Variants in NRXN3 observed in about 807,000 individuals in gnomAD.
NRXN3 encodes neurexin 3.
Under a neutral mutation model 137.6 loss-of-function variants are expected in NRXN3, and 32 were observed. The observed-to-expected ratio is 0.23, with a 90% CI of 0.18 to 0.31. NRXN3 has a LOEUF of 0.31. Ranked by LOEUF, NRXN3 falls within the 10% of genes least tolerant of loss-of-function variation. NRXN3 has a pLI of 1.00. For synonymous variants in NRXN3, 798 were observed against 784.5 expected (o/e 1.02, Z -0.29); for missense variants, 1,574 against 2,062.5 (o/e 0.76, Z 4.59).
chr14:79,423,659 C>T (rs1274772039), intron 15 of NRXN3, among the ~76,000 whole-genome samples: 1 of 152,150 alleles, frequency 6.6e-6, no homozygotes, highest in African/African-American at 2.4e-5. Flanking sequence ...AGGGTGAAAG[C>T]GTCGGTTGCT....
chr14:79,068,518 T>C (rs1464499369), intron 15 of NRXN3, among the ~76,000 whole-genome samples: 1 of 152,158 alleles, frequency 6.6e-6, no homozygotes, highest in African/African-American at 2.4e-5. Context: ...GCTGCCTTGC[T>C]GTTTTGGGGA....
chr14:79,368,051 C>T (rs1019547072), intron 15 of NRXN3, among the ~76,000 whole-genome samples: 5 of 152,188 alleles, frequency 3.3e-5, no homozygotes, highest in Non-Finnish European at 5.9e-5. Context: ...GTGATCATTT[C>T]ATCACTTGGA....
intron 6 of NRXN3, among the ~76,000 whole-genome samples, chr14:78,687,079 T>G (rs2098131918): frequency 6.6e-6 from 1 of 152,146 alleles, no homozygotes; most frequent in African/African-American, 2.4e-5. Flanking sequence ...TGGGATTTGC[T>G]TGACAAAAAG....
chr14:78,851,100 G>T (rs1265532929), intron 10 of NRXN3, among the ~76,000 whole-genome samples: 1 of 152,050 alleles, frequency 6.6e-6, no homozygotes, highest in Non-Finnish European at 1.5e-5. Flanking sequence ...GAAATTCTTT[G>T]GTAATTGTTG....
chr14:79,470,523 C>G (rs554466181), intron 16 of NRXN3, among the ~76,000 whole-genome samples: 1 of 152,116 alleles, frequency 6.6e-6, no homozygotes, highest in Non-Finnish European at 1.5e-5. Context: ...ATGACCTAAG[C>G]GCTTTCCAAA....
chr14:78,359,829 T>A (rs545820905), intron 4 of NRXN3, among the ~76,000 whole-genome samples: 68 of 152,236 alleles, frequency 4.5e-4, no homozygotes, highest in Admixed American at 1.6e-3. Context: ...TAGGCGGGTC[T>A]CTCTTTCCGT....
chr14:79,167,984 A>G (rs2061434028), intron 15 of NRXN3, among the ~76,000 whole-genome samples: 1 of 149,180 alleles, frequency 6.7e-6, no homozygotes, highest in African/African-American at 2.5e-5. Context: ...CAGAGAAAAG[A>G]GATGGAGAAA....
chr14:78,596,525 T>C (rs764587991), intron 4 of NRXN3, among the ~76,000 whole-genome samples: 6 of 152,242 alleles, frequency 3.9e-5, no homozygotes, highest in Non-Finnish European at 8.8e-5. Context: ...AAAAGTACTA[T>C]ATACGTGTGT....
chr14:79,697,555 G>A, intron 18 of NRXN3, 75 bp from the exon 19 acceptor site: 1 of 1,493,952 alleles, frequency 6.7e-7, no homozygotes, highest in Middle Eastern at 2.5e-4. Context: ...TATGATGCCT[G>A]GTCCATTCAG....
chr14:78,454,315 T>G (rs2094628030), intron 4 of NRXN3, among the ~76,000 whole-genome samples: 1 of 151,874 alleles, frequency 6.6e-6, no homozygotes, highest in Non-Finnish European at 1.5e-5. Context: ...AAAAAACCTA[T>G]GTCCAAGCCC....
intron 13 of NRXN3, among the ~76,000 whole-genome samples, 200 bp from the exon 14 acceptor site, chr14:78,967,973 A>G (rs1424842121): frequency 1.3e-5 from 2 of 151,858 alleles, no homozygotes; most frequent in African/African-American, 4.8e-5. Context: ...TATATATAAA[A>G]TGAATGACAC....
chr14:79,560,504 C>CTTTTTTTTTTTTTT lies in NRXN3; in HGVS notation c.3444+93113_3444+93126dup, dbSNP rs34025659. Among the ~76,000 whole-genome samples the CTTTTTTTTTTTTTT allele has an allele frequency of 7.7e-3, 339 of 43,760 alleles. 96 individuals carry two copies. Among genetic ancestry groups the CTTTTTTTTTTTTTT allele is most frequent in the East Asian group, 0.037 (35 of 948 alleles). The allele number at this position is 43,760 out of a possible 152,430, so 28.7% of individuals were successfully genotyped here. A position where few individuals can be genotyped will look rare whatever the true frequency, so the allele number is the denominator to read the frequency against. ...AATTCTACAAGGACAAGATTGTAAG[C>CTTTTTTTTTTTTTT]TTTTTTTTTTTTTTTTTTTTTTTTG... On this transcript the variant is annotated intron_variant, in intron 16 of 20. Transcript: ENST00000335750.
chr14:78,816,429 T>C (rs2098933393), intron 10 of NRXN3, among the ~76,000 whole-genome samples: 1 of 152,128 alleles, frequency 6.6e-6, no homozygotes, highest in African/African-American at 2.4e-5. Flanking sequence ...AACAAGCTTT[T>C]CCACATCTTA....
intron 6 of NRXN3, among the ~76,000 whole-genome samples, chr14:78,689,914 C>T (rs1049528476): frequency 6.6e-6 from 1 of 151,754 alleles, no homozygotes; most frequent in Non-Finnish European, 1.5e-5. Flanking sequence ...ATCCTTCTCT[C>T]CCTCCTCCGC....
intron 17 of NRXN3, among the ~76,000 whole-genome samples, chr14:79,671,833 A>G (rs1267482586): frequency 2.6e-5 from 4 of 152,142 alleles, no homozygotes; most frequent in Non-Finnish European, 5.9e-5. Flanking sequence ...TGGAGCTTGG[A>G]CTAATGCTAA....
chr14:78,177,011 G>T (rs947184558), intron 1 of NRXN3, among the ~76,000 whole-genome samples: 4 of 152,132 alleles, frequency 2.6e-5, no homozygotes, highest in Admixed American at 6.5e-5. Context: ...AAACTGGAAT[G>T]GAGGAGGACC....
At position 79,605,765 on chromosome 14, in the gene NRXN3, T is replaced by C. The variant is rs1395080173; in HGVS notation, c.3445-58013T>C. On this transcript the variant is annotated intron_variant, in intron 16 of 20. Transcript: ENST00000335750. ...TCGGCCTCCCAAAGTGCTGGGATTA[T>C]AGGCATGAACCACTGCGCCTGGCCG... Among the ~76,000 whole-genome samples the C allele has an allele frequency of 1.4e-4, 22 of 152,264 alleles. No homozygotes were observed. The East Asian group carries it at 2.9e-3, about 20-fold the overall frequency.
intron 15 of NRXN3, among the ~76,000 whole-genome samples, chr14:79,387,486 C>G (rs561587392): frequency 1.6e-4 from 24 of 152,166 alleles, no homozygotes; most frequent in African/African-American, 4.3e-4. Flanking sequence ...GAAATAGGAA[C>G]ACTTTTACAC....
At chr14:78,886,487 C>A (rs2099144160) in intron 10 of NRXN3, among the ~76,000 whole-genome samples, 3 of 151,886 alleles carry the variant, frequency 2.0e-5, no homozygotes, top group Admixed American at 2.0e-4. Flanking sequence ...CTTTTTCTTG[C>A]TTCTTTTATA....
Sources: allele counts gnomAD v4.1 joint callset (sites outside exome capture counted in the v4.1 genomes callset), GRCh38; gene constraint gnomAD v4.1.1; transcripts MANE v1.5; gene names NCBI Gene and HGNC (gene_info 2026-07-23, HGNC 2026-07-21).